Variants in PRORP observed in about 807,000 individuals in gnomAD.
The protein encoded by PRORP is mitochondrial ribonuclease P catalytic subunit.
Under a neutral mutation model 59.4 loss-of-function variants are expected in PRORP, and 51 were observed. That is an observed-to-expected ratio of 0.86 (90% CI 0.69 to 1.08). The LOEUF (loss-of-function observed/expected upper bound fraction) is 1.08, where lower values mean the gene tolerates loss of function less well. Ranked by LOEUF, PRORP falls within the 50% of genes least tolerant of loss-of-function variation. The pLI is 0.00. For synonymous variants in PRORP, 231 were observed against 245.6 expected (o/e 0.94, Z 0.55); for missense variants, 646 against 690.3 (o/e 0.94, Z 0.72).
At chr14:35,240,294 C>CTT (rs3058452) in intron 5 of PRORP, among the ~76,000 whole-genome samples, 58,593 of 108,788 alleles carry the variant, frequency 0.54, 15,910 homozygotes, top group East Asian at 0.68. Flanking sequence ...TTTAAACCAT[C>CTT]TTTTTTTTTT....
chr14:35,169,267 CTT>C (rs1462515836), intron 4 of PRORP, among the ~76,000 whole-genome samples: 1 of 151,594 alleles, frequency 6.6e-6, no homozygotes, highest in African/African-American at 2.4e-5. Flanking sequence ...ATACTTGGGG[CTT>C]TTATAGATAT....
chr14:35,211,064 C>T (rs1595312260), intron 5 of PRORP, among the ~76,000 whole-genome samples: 1 of 152,184 alleles, frequency 6.6e-6, no homozygotes, highest in South Asian at 2.1e-4. Context: ...CGAGCCACCA[C>T]GCCTGGTCAA....
Position 35,141,428 on chromosome 14 carries a change from T to A in PRORP, c.1167+13817T>A, listed in dbSNP as rs193125226. On this transcript the variant is annotated intron_variant, in intron 4 of 7. Coordinates refer to ENST00000534898, the MANE Select transcript of PRORP (RefSeq NM_014672.4). ...GTGTGTACCATCACATCTGGCTAAT[T>A]TTTTTATTTTAATTTTTTCTGTAGA... Among the ~76,000 whole-genome samples the A allele has an allele frequency of 5.6e-5, 8 of 143,594 alleles. 2 individuals are homozygous for A. The East Asian group carries it at 1.9e-3, about 34-fold the overall frequency. The allele number at this position is 143,594 out of a possible 152,430, so 94.2% of individuals were successfully genotyped here.
At chr14:35,151,292 T>G (rs943811204) in intron 4 of PRORP, among the ~76,000 whole-genome samples, 3 of 152,032 alleles carry the variant, frequency 2.0e-5, no homozygotes, top group South Asian at 2.1e-4. Context: ...AATAGAATAA[T>G]GTAAATAAGA....
At chr14:35,253,657 A>G (rs1239445711) in intron 5 of PRORP, among the ~76,000 whole-genome samples, 3 of 152,146 alleles carry the variant, frequency 2.0e-5, no homozygotes, top group Non-Finnish European at 4.4e-5. Flanking sequence ...CCCCTCTGGC[A>G]TCATCAAAAT....
chr14:35,218,467 G>A (rs28398870), intron 5 of PRORP, among the ~76,000 whole-genome samples: 82,509 of 99,766 alleles, frequency 0.83, 32,995 homozygotes, highest in African/African-American at 0.85. Context: ...TCTAAAAAAA[G>A]AAAAAAAAAA....
At chr14:35,232,405 T>C (rs1489921758) in intron 5 of PRORP, among the ~76,000 whole-genome samples, 1 of 151,702 alleles carries the variant, frequency 6.6e-6, no homozygotes, top group Non-Finnish European at 1.5e-5. Context: ...AGAGATGGGG[T>C]CTCACTGTGT....
chr14:35,123,800 T>C lies in PRORP; in HGVS notation c.555T>C (p.Cys185=). The C allele has an allele frequency of 6.2e-7, 1 of 1,614,218 alleles. No individual in the cohort carries two copies. Among genetic ancestry groups the C allele is most frequent in the Non-Finnish European group, 8.5e-7 (1 of 1,180,020 alleles). The change falls in exon 2 of 8, where the codon TGT becomes TGC. Residue 185 remains cysteine (C), a synonymous_variant. Transcript: ENST00000534898. ...YDLLVKYLYL[C]VFHMQTSEVI... ...TACTGGTCAAGTATTTGTATCTCTG[T>C]GTCTTTCATATGCAGACATCTGAAG...
chr14:35,169,646 G>A (rs1208101512), intron 4 of PRORP, among the ~76,000 whole-genome samples: 4 of 152,086 alleles, frequency 2.6e-5, no homozygotes, highest in Non-Finnish European at 5.9e-5. Flanking sequence ...AGAACAGCAT[G>A]GAAGAAACCA....
chr14:35,176,832 G>A (rs548078278), intron 4 of PRORP, among the ~76,000 whole-genome samples: 1 of 152,128 alleles, frequency 6.6e-6, no homozygotes, highest in Non-Finnish European at 1.5e-5. Context: ...TTTTCAAAGG[G>A]AATGCTTCCA....
intron 5 of PRORP, among the ~76,000 whole-genome samples, chr14:35,252,575 G>A (rs1307039941): frequency 2.6e-5 from 4 of 152,182 alleles, no homozygotes; most frequent in Non-Finnish European, 5.9e-5. Flanking sequence ...GCTGCCTGTA[G>A]GTGTGGGTGG....
chr14:35,127,690 C>T, intron 4 of PRORP, 79 bp downstream of exon 4: 1 of 1,488,304 alleles, frequency 6.7e-7, no homozygotes, highest in Non-Finnish European at 9.3e-7. Context: ...ATGCCAGATA[C>T]TAAATATTTT....
intron 4 of PRORP, among the ~76,000 whole-genome samples, chr14:35,179,108 C>A (rs1306670281): frequency 6.6e-6 from 1 of 152,218 alleles, no homozygotes; most frequent in Non-Finnish European, 1.5e-5. Context: ...GCCTAGAGAT[C>A]CGCTGTTAGT....
At chr14:35,248,376 A>T (rs1200413675) in intron 5 of PRORP, among the ~76,000 whole-genome samples, 1 of 152,228 alleles carries the variant, frequency 6.6e-6, no homozygotes, top group Non-Finnish European at 1.5e-5. Context: ...TGGATACACC[A>T]CCAGACTTAG....
chr14:35,172,413 TTTCCTTCC>T (rs71121269), intron 4 of PRORP, among the ~76,000 whole-genome samples: 18,891 of 77,714 alleles, frequency 0.24, 2,849 homozygotes, highest in Non-Finnish European at 0.32. Context: ...GGTTTCTTTC[TTTCCTTCC>T]TTCCTTCCTT....
chr14:35,209,644 C>G (rs2049386695), intron 5 of PRORP, among the ~76,000 whole-genome samples: 1 of 152,148 alleles, frequency 6.6e-6, no homozygotes, highest in African/African-American at 2.4e-5. Flanking sequence ...TCAAGCGATT[C>G]TCCTGCCTCA....
chr14:35,253,821 T>G (rs568635327), intron 5 of PRORP, among the ~76,000 whole-genome samples: 1 of 152,136 alleles, frequency 6.6e-6, no homozygotes, highest in African/African-American at 2.4e-5. Context: ...TTGGTCATGC[T>G]TCAGTCTCTG....
chr14:35,256,326 CTTTTTTTTT>C (rs1178856754), intron 5 of PRORP, among the ~76,000 whole-genome samples: 1 of 82,814 alleles, frequency 1.2e-5, no homozygotes, highest in Non-Finnish European at 2.2e-5. Flanking sequence ...TTGTGCGTAT[CTTTTTTTTT>C]TTTTTTTTTT....
intron 5 of PRORP, among the ~76,000 whole-genome samples, chr14:35,207,203 A>G (rs1394208806): frequency 6.6e-6 from 1 of 152,184 alleles, no homozygotes; most frequent in Non-Finnish European, 1.5e-5. Flanking sequence ...ATATATTTAT[A>G]TCAGTACATG....
Sources: allele counts gnomAD v4.1 joint callset (sites outside exome capture counted in the v4.1 genomes callset), GRCh38; gene constraint gnomAD v4.1.1; transcripts MANE v1.5; gene names NCBI Gene and HGNC (gene_info 2026-07-23, HGNC 2026-07-21).